PTPN14: variants seen among roughly 807,000 people sequenced by gnomAD.
PTPN14 encodes the protein tyrosine-protein phosphatase non-receptor type 14.
In PTPN14, 53 loss-of-function variants were observed where a neutral mutation model predicts 126.8. That is an observed-to-expected ratio of 0.42 (90% CI 0.34 to 0.53). The LOEUF is 0.53. Among genes scored for constraint, PTPN14 ranks in the 20% least tolerant of loss-of-function variants. The pLI, the probability that PTPN14 is intolerant of heterozygous loss-of-function variation, is 0.08. For synonymous variants in PTPN14, 630 were observed against 599.3 expected, an observed-to-expected ratio of 1.05 and a Z score of -0.75; for missense variants, 1,257 against 1,552.9, an observed-to-expected ratio of 0.81 and a Z score of 3.20.
intron 3 of PTPN14, among the ~76,000 whole-genome samples, chr1:214,437,621 A>C (rs575514080): frequency 2.0e-5 from 3 of 152,198 alleles, no homozygotes; most frequent in South Asian, 2.1e-4. Flanking sequence ...ACTGTACAAA[A>C]TTGCTACAGA....
chr1:214,465,951 C>CTTTTTTTCTTTTTTTTTTTTTT (rs1660625573), intron 1 of PTPN14, among the ~76,000 whole-genome samples: 1 of 59,024 alleles, frequency 1.7e-5, no homozygotes, highest in African/African-American at 6.9e-5. Context: ...CAGTTACTTC[C>CTTTTTTTCTTTTTTTTTTTTTT]TTTTTTTTTT....
chr1:214,378,042 C>A lies in PTPN14; in HGVS notation c.2605G>T (p.Ala869Ser). Reference protein sequence around the residue: ...EAQKRPLMLAALNGLSVARVS... With the variant: ...EAQKRPLMLASLNGLSVARVS... ...CGAGCCACCGAGAGCCCATTCAATG[C>A]TGCCAACATCAGCGGCCTCTTCTGT... The change falls in exon 14 of 19, where the codon GCA becomes TCA. Residue 869 changes from alanine to serine, a missense_variant. This residue lies in a region of PTPN14 where 1,021 missense variants were observed against 1,183.3 expected (regional missense o/e 0.86). Transcript: ENST00000366956. 1 of 1,612,976 alleles carries A rather than the reference C, an allele frequency of 6.2e-7. No homozygotes were observed. The highest frequency in any genetic ancestry group is 1.3e-5 in the African/African-American group (1 of 75,026).
chr1:214,464,558 T>C (rs1049684491), intron 2 of PTPN14, 72 bp downstream of exon 2: 6 of 1,550,948 alleles, frequency 3.9e-6, no homozygotes, highest in Admixed American at 1.8e-5. Flanking sequence ...GGCTGGTCCC[T>C]TCGGTGAGTT....
chr1:214,402,464 C>A (rs4233299), intron 6 of PTPN14, among the ~76,000 whole-genome samples: 1 of 135,362 alleles, frequency 7.4e-6, no homozygotes, highest in African/African-American at 2.9e-5. Flanking sequence ...AAAAAAGCCA[C>A]GATGAGAGAA....
chr1:214,419,795 A>G (rs1212899438), intron 3 of PTPN14, among the ~76,000 whole-genome samples: 1 of 152,150 alleles, frequency 6.6e-6, no homozygotes, highest in African/African-American at 2.4e-5. Flanking sequence ...ATAGGAAGGA[A>G]CCAACACATT....
chr1:214,385,502 T>C (rs111519614), intron 12 of PTPN14, among the ~76,000 whole-genome samples: 1 of 134,474 alleles, frequency 7.4e-6, no homozygotes, highest in Admixed American at 7.0e-5. Flanking sequence ...CCCAACCTGA[T>C]TGATTTCTAC....
Position 214,475,925 on chromosome 1 carries a change from G to A in PTPN14, c.-154-10968C>T, listed in dbSNP as rs539140422. Among the ~76,000 whole-genome samples, 77 of 152,244 alleles carry A rather than the reference G, an allele frequency of 5.1e-4. 1 individual carries two copies. Among genetic ancestry groups the A allele is most frequent in the African/African-American group, 1.6e-3 (65 of 41,532 alleles). Reference sequence around the variant, plus strand: ...CCATGCTGATATGACGCAGAAAGAGGGTTATCAGCTATGACCTTATGATAT... The same window carrying A: ...CCATGCTGATATGACGCAGAAAGAGAGTTATCAGCTATGACCTTATGATAT... On this transcript the variant is annotated intron_variant, in intron 1 of 18. Coordinates refer to ENST00000366956, the MANE Select transcript of PTPN14 (RefSeq NM_005401.5).
At chr1:214,386,283 CAGA>C (rs1324294020) in intron 12 of PTPN14, among the ~76,000 whole-genome samples, 2 of 152,184 alleles carry the variant, frequency 1.3e-5, no homozygotes, top group East Asian at 3.9e-4. Flanking sequence ...TCATTACTAG[CAGA>C]AGAAGCTTTT....
chr1:214,402,876 G>T lies in PTPN14; in HGVS notation c.581+7C>A, dbSNP rs778022624. The T allele has an allele frequency of 6.2e-7, 1 of 1,613,782 alleles. No individual in the cohort carries two copies. The highest frequency in any genetic ancestry group is 1.7e-5 in the Admixed American group (1 of 60,002). On this transcript the variant is annotated splice_region_variant and intron_variant, in intron 6 of 18. Coordinates refer to ENST00000366956, the MANE Select transcript of PTPN14 (RefSeq NM_005401.5). ...GCAGGCAGCCCCTTACCCTCTGCCT[G>T]CCTTACCTGTGGGCTTTGTGTTCTT...
intron 1 of PTPN14, among the ~76,000 whole-genome samples, chr1:214,505,471 T>G (rs1255921936): frequency 6.6e-6 from 1 of 152,146 alleles, no homozygotes; most frequent in African/African-American, 2.4e-5. Context: ...GGGTGGTCAG[T>G]GCCCACACAG....
intron 3 of PTPN14, among the ~76,000 whole-genome samples, chr1:214,447,169 G>A (rs575593125): frequency 1.3e-5 from 2 of 152,166 alleles, no homozygotes; most frequent in South Asian, 4.2e-4. Context: ...AATGAATGTT[G>A]TTGGGGCCTT....
intron 12 of PTPN14, among the ~76,000 whole-genome samples, chr1:214,385,229 C>G (rs1658579773): frequency 6.6e-6 from 1 of 152,126 alleles, no homozygotes; most frequent in African/African-American, 2.4e-5. Context: ...AGCTGCTCTT[C>G]CTGACGGCAA....
intron 7 of PTPN14, among the ~76,000 whole-genome samples, chr1:214,398,417 T>G (rs865868144): frequency 6.6e-6 from 1 of 152,154 alleles, no homozygotes; most frequent in African/African-American, 2.4e-5. Context: ...ATTGTGACCA[T>G]AGCATAGTTA....
chr1:214,362,310 T>C (rs969330220), intron 18 of PTPN14, among the ~76,000 whole-genome samples: 2 of 152,178 alleles, frequency 1.3e-5, no homozygotes, highest in African/African-American at 2.4e-5. Context: ...GTGAAAAATA[T>C]GAGTCATCTT....
Position 214,357,301 on chromosome 1 carries a change from G to A in PTPN14, c.*621C>T, listed in dbSNP as rs1571947073. On this transcript the variant is annotated 3_prime_UTR_variant, in exon 19 of 19. Transcript: ENST00000366956. The stretch of plus-strand genomic sequence containing the variant: ...TCTTTAACTCAAGCTTGGGGGGGAA[G>A]TTGGGGTGGGGCGTGGGGGAGAGGA... 6.7e-6 allele frequency: 1 copy of A among 149,348 alleles called. No homozygotes were observed. Among genetic ancestry groups the A allele is most frequent in the South Asian group, 2.2e-4 (1 of 4,582 alleles). The allele number at this position is 149,348 out of a possible 1,614,324, so 9.3% of individuals were successfully genotyped here.
rs184007430 is a variant in PTPN14 at position 214,384,574 on chromosome 1, C to T, written c.1281G>A (p.Pro427=). ...GSDIMRADYI[P]SHRHSAIIVP... Reference sequence around the variant, plus strand: ...CGATGATCGCGCTGTGCCGGTGGCTCGGGATGTAGTCGGCCCGCATGATGT... The same window carrying T: ...CGATGATCGCGCTGTGCCGGTGGCTTGGGATGTAGTCGGCCCGCATGATGT... Residue 427 remains proline (P), a synonymous_variant, in exon 13 of 19, where the codon CCG becomes CCA. Coordinates refer to ENST00000366956, the MANE Select transcript of PTPN14 (RefSeq NM_005401.5). This position sits in a 1 kb window ranked among gnomAD's most constrained non-coding sequence, Gnocchi z 5.3. 1.2e-4 allele frequency: 187 copies of T among 1,614,046 alleles called. 1 individual carries two copies. The highest frequency in any genetic ancestry group is 3.0e-4 in the South Asian group (27 of 91,074).
intron 1 of PTPN14, among the ~76,000 whole-genome samples, chr1:214,502,459 TA>T (rs1405473003): frequency 6.6e-6 from 1 of 152,196 alleles, no homozygotes; most frequent in African/African-American, 2.4e-5. Flanking sequence ...AAGAAAAACA[TA>T]TGCAAATAGT....
At chr1:214,373,137 C>T (rs1658258583) in intron 15 of PTPN14, among the ~76,000 whole-genome samples, 1 of 152,180 alleles carries the variant, frequency 6.6e-6, no homozygotes, top group Non-Finnish European at 1.5e-5. Flanking sequence ...TCACTGCAAC[C>T]TCCGCCTCCT....
chr1:214,413,916 G>C (rs1238782553), intron 4 of PTPN14, among the ~76,000 whole-genome samples: 1 of 151,958 alleles, frequency 6.6e-6, no homozygotes, highest in Admixed American at 6.6e-5. Flanking sequence ...TGATTCACCT[G>C]CCTCGACCTC....
Sources: gnomAD v4.1 joint callset for allele counts (sites outside exome capture counted in the v4.1 genomes callset) on GRCh38, gnomAD v4.1.1 for gene constraint, gnomAD v4.1.1 regional missense constraint, Gnocchi (gnomAD v3.1) non-coding constraint, MANE v1.5 for transcripts, NCBI Gene and HGNC (gene_info 2026-07-23, HGNC 2026-07-21) for gene names.